KLHL5: variants seen among roughly 807,000 people sequenced by gnomAD.
The protein encoded by KLHL5 is kelch-like protein 5.
Under a neutral mutation model 77.7 loss-of-function variants are expected in KLHL5, and 48 were observed. That is an observed-to-expected ratio of 0.62 (90% CI 0.49 to 0.79). The LOEUF (loss-of-function observed/expected upper bound fraction) is 0.79. Among genes scored for constraint, KLHL5 ranks in the 30% least tolerant of loss-of-function variants. The pLI is 0.00. For synonymous variants in KLHL5, 260 were observed against 297.0 expected (o/e 0.88, Z 1.28); for missense variants, 723 against 859.7 (o/e 0.84, Z 1.99).
At chr4:39,135,936 C>T in the KLHL5 span, among the ~76,000 whole-genome samples, 3 of 151,368 alleles carry the variant, frequency 2.0e-5, no homozygotes, top group Non-Finnish European at 4.4e-5. Flanking sequence ...ATATGTTTAT[C>T]AGCAGTACCA....
the KLHL5 span, among the ~76,000 whole-genome samples, chr4:39,137,074 A>C: frequency 6.6e-6 from 1 of 152,220 alleles, no homozygotes. Context: ...CAGCAGAGGA[A>C]AAAACAAGGA....
At chr4:39,074,549 G>C (rs141502755) in intron 1 of KLHL5, among the ~76,000 whole-genome samples, 301 of 152,286 alleles carry the variant, frequency 2.0e-3, no homozygotes, top group African/African-American at 6.8e-3. Flanking sequence ...ATTTGCAAGA[G>C]AGGCTGGGAA....
chr4:39,068,241 T>C (rs1718081068), intron 1 of KLHL5, among the ~76,000 whole-genome samples: 1 of 152,116 alleles, frequency 6.6e-6, no homozygotes, highest in Admixed American at 6.6e-5. Flanking sequence ...GTCTATTAAT[T>C]CTGGTTCAGT....
At chr4:39,115,422 T>G in intron 10 of KLHL5, 92 bp downstream of exon 10, 1 of 1,566,338 alleles carries the variant, frequency 6.4e-7, no homozygotes, top group East Asian at 2.4e-5. Context: ...TGTCCAATAC[T>G]GAAATATATG....
At chr4:39,065,472 G>C (rs1177411677) in intron 1 of KLHL5, among the ~76,000 whole-genome samples, 2 of 151,158 alleles carry the variant, frequency 1.3e-5, no homozygotes, top group Non-Finnish European at 1.5e-5. Context: ...TCCTGCCTCA[G>C]CCTCCCAAGT....
At chr4:39,106,338 C>G (rs998337945) in intron 7 of KLHL5, among the ~76,000 whole-genome samples, 1 of 152,212 alleles carries the variant, frequency 6.6e-6, no homozygotes, top group African/African-American at 2.4e-5. Flanking sequence ...AGAAAGGTCT[C>G]CCCTGACCCT....
chr4:39,127,565 C>G (rs1560450168), downstream of KLHL5, among the ~76,000 whole-genome samples: 1 of 152,110 alleles, frequency 6.6e-6, no homozygotes, highest in Non-Finnish European at 1.5e-5. Flanking sequence ...ACCTCAGCCT[C>G]AGCCTCAGCC....
At chr4:39,060,389 C>T (rs1717310598), upstream of KLHL5, among the ~76,000 whole-genome samples, 1 of 151,868 alleles carries the variant, frequency 6.6e-6, no homozygotes, top group African/African-American at 2.4e-5. Flanking sequence ...TGTCTCTGGC[C>T]CCTGCACACT....
At chr4:39,126,248 T>C (rs143844757), downstream of KLHL5, among the ~76,000 whole-genome samples, 68 of 152,322 alleles carry the variant, frequency 4.5e-4, no homozygotes, top group African/African-American at 1.6e-3. Flanking sequence ...ATAATACTCA[T>C]GTAATATTTT....
chr4:39,097,122 A>T (rs1176501848), intron 6 of KLHL5, among the ~76,000 whole-genome samples: 1 of 152,246 alleles, frequency 6.6e-6, no homozygotes, highest in Non-Finnish European at 1.5e-5. Flanking sequence ...ATCTGGGATA[A>T]TTTGAGCATC....
At chr4:39,126,625 G>A, downstream of KLHL5, 1 of 417,212 alleles carries the variant, frequency 2.4e-6, no homozygotes, top group South Asian at 1.7e-5. Flanking sequence ...CTGGATCTTT[G>A]CCCAGGTTCA....
At chr4:39,073,139 T>G (rs575013722) in intron 1 of KLHL5, among the ~76,000 whole-genome samples, 1 of 152,314 alleles carries the variant, frequency 6.6e-6, no homozygotes, top group South Asian at 2.1e-4. Flanking sequence ...GCCTCCGACC[T>G]ATTGAATCAG....
chr4:39,068,844 T>A (rs989466371), intron 1 of KLHL5, among the ~76,000 whole-genome samples: 4 of 152,238 alleles, frequency 2.6e-5, no homozygotes, highest in Admixed American at 1.3e-4. Context: ...ACACACCTCA[T>A]AGTTAACTAC....
chr4:39,046,760 C>T (rs1716225344), intron 1 of KLHL5, among the ~76,000 whole-genome samples: 1 of 152,072 alleles, frequency 6.6e-6, no homozygotes, highest in South Asian at 2.1e-4. Flanking sequence ...CTTTAAAACG[C>T]CCCTAAGGAA....
rs1323791576 is a variant in KLHL5, at chr4:39,081,614, A to G, written c.704-349A>G. ...AGCCCAGGAGTTCGATGCTGCAGTGAGCCATTGGTTACACCACTGCACTCC... is the reference window on the plus strand; with the variant it reads ...AGCCCAGGAGTTCGATGCTGCAGTGGGCCATTGGTTACACCACTGCACTCC... On this transcript the variant is annotated intron_variant, in intron 3 of 10. Transcript: ENST00000504108. This position sits in a 1 kb window ranked among gnomAD's most constrained non-coding sequence, Gnocchi z 4.3. Among the ~76,000 whole-genome samples, 1 of 151,712 alleles carries G rather than the reference A, an allele frequency of 6.6e-6. No individual in the cohort carries two copies.
chr4:39,137,735 A>G, the KLHL5 span, among the ~76,000 whole-genome samples: 1 of 152,216 alleles, frequency 6.6e-6, no homozygotes, highest in African/African-American at 2.4e-5. Context: ...CCAAAAAACG[A>G]GGTTGTGCTC....
chr4:39,106,659 A>C (rs1722059598), intron 7 of KLHL5, among the ~76,000 whole-genome samples: 1 of 152,248 alleles, frequency 6.6e-6, no homozygotes, highest in South Asian at 2.1e-4. Context: ...TATATCTTAA[A>C]TCCAAATTGT....
chr4:39,115,258 TG>T lies in KLHL5; in HGVS notation c.2007del (p.Tyr670MetfsTer28), dbSNP rs1213171273. 1.2e-6 allele frequency: 2 copies of T among 1,613,754 alleles called. No homozygotes were observed. Among genetic ancestry groups the T allele is most frequent in the Non-Finnish European group, 1.7e-6 (2 of 1,179,826 alleles). ...TACTTGGTGATAAGTTATATGCTGT[TG>T]GGGGGTATGATGGACAGGCATACCT... ...CLLGDKLYAVGGYDGQAYLNT... is the reference protein window; with the variant it reads ...CLLGDKLYAVXGYDGQAYLNT... On this transcript the variant is annotated frameshift_variant, in exon 10 of 11. Transcript: ENST00000504108. LOFTEE classifies it high-confidence loss of function.
intron 4 of KLHL5, among the ~76,000 whole-genome samples, chr4:39,085,764 A>G (rs1399902881): frequency 2.6e-5 from 4 of 152,168 alleles, no homozygotes; most frequent in Admixed American, 2.6e-4. Context: ...AGGGCATTAT[A>G]GGTCACTACT....
Sources: allele counts gnomAD v4.1 joint callset (sites outside exome capture counted in the v4.1 genomes callset), GRCh38; gene constraint gnomAD v4.1.1; non-coding constraint Gnocchi (gnomAD v3.1); transcripts MANE v1.5; gene names NCBI Gene and HGNC (gene_info 2026-07-23, HGNC 2026-07-21).